RHBDD1: variants seen among roughly 807,000 people sequenced by gnomAD.
The protein encoded by RHBDD1 is rhomboid domain containing 1.
In RHBDD1, 38 loss-of-function variants were observed where a neutral mutation model predicts 36.3. The ratio of observed to expected loss-of-function variants is 1.05; its 90% CI spans 0.81 to 1.37. The LOEUF (loss-of-function observed/expected upper bound fraction) is 1.37. RHBDD1 is among the 40% of genes most tolerant of loss of function. The pLI is 0.00. For missense variants in RHBDD1, 393 were observed against 377.6 expected, an observed-to-expected ratio of 1.04 and a Z score of -0.34; for synonymous variants, 151 against 136.5, an observed-to-expected ratio of 1.11 and a Z score of -0.74.
chr2:226,880,261 T>A (rs1372164197), intron 5 of RHBDD1, among the ~76,000 whole-genome samples: 1 of 152,208 alleles, frequency 6.6e-6, no homozygotes, highest in African/African-American at 2.4e-5. Flanking sequence ...ATTCCAGGAC[T>A]GTCCCAAGCA....
chr2:226,920,459 T>C (rs922959714), intron 8 of RHBDD1, among the ~76,000 whole-genome samples: 27 of 152,170 alleles, frequency 1.8e-4, no homozygotes, highest in African/African-American at 6.5e-4. Context: ...ATCTTTGTTA[T>C]ATTCCACATC....
the RHBDD1 span, among the ~76,000 whole-genome samples, chr2:226,809,764 A>C: frequency 1.2e-4 from 18 of 152,344 alleles, no homozygotes; most frequent in South Asian, 1.4e-3. Flanking sequence ...ATTAGTCTTT[A>C]CTGATTTAAA....
At chr2:226,907,800 A>G (rs1948175743) in intron 6 of RHBDD1, among the ~76,000 whole-genome samples, 1 of 152,146 alleles carries the variant, frequency 6.6e-6, no homozygotes, top group Non-Finnish European at 1.5e-5. Flanking sequence ...TTGCTTATTA[A>G]TGTGTTTCCA....
intron 5 of RHBDD1, among the ~76,000 whole-genome samples, chr2:226,876,390 T>C (rs1945244814): frequency 6.6e-6 from 1 of 152,168 alleles, no homozygotes; most frequent in African/African-American, 2.4e-5. Flanking sequence ...CAGTGACAGT[T>C]CATGGGCCGT....
Position 226,976,547 on chromosome 2 carries a change from G to A in RHBDD1, c.857-18884G>A, listed in dbSNP as rs114773123. On this transcript the variant is annotated intron_variant, in intron 8 of 8. Transcript: ENST00000392062. ...TTCACTGTGTAGGAGACTCACCACCGTATACTGATGAAGAATGCACACAGT... is the reference window on the plus strand; with the variant it reads ...TTCACTGTGTAGGAGACTCACCACCATATACTGATGAAGAATGCACACAGT... Among the ~76,000 whole-genome samples the A allele has an allele frequency of 3.9e-3, 588 of 152,158 alleles. 3 individuals carry two copies. Among genetic ancestry groups the A allele is most frequent in the South Asian group, 0.012 (57 of 4,812 alleles).
At chr2:226,803,224 A>C in the RHBDD1 span, among the ~76,000 whole-genome samples, 10 of 152,312 alleles carry the variant, frequency 6.6e-5, no homozygotes, top group African/African-American at 1.9e-4. Context: ...TCTGCAAGGC[A>C]ATATGAAATA....
At position 226,944,059 on chromosome 2, in the gene RHBDD1, C is replaced by T. The variant is rs536572074; in HGVS notation, c.856+29708C>T. 2.0e-4 allele frequency among the ~76,000 whole-genome samples: 31 copies of T among 152,224 alleles called. No individual in the cohort carries two copies. The East Asian group carries it at 6.0e-3, about 29-fold the overall frequency. Reference sequence around the variant, plus strand: ...TATGCCTTTGCTCAGTATAGTCTTGCTGGTGGTAGCGACAGGGGGAAGTGA... The same window carrying T: ...TATGCCTTTGCTCAGTATAGTCTTGTTGGTGGTAGCGACAGGGGGAAGTGA... On this transcript the variant is annotated intron_variant, in intron 8 of 8. Transcript: ENST00000392062.
the RHBDD1 span, among the ~76,000 whole-genome samples, chr2:226,830,164 G>A: frequency 6.6e-6 from 1 of 152,158 alleles, no homozygotes; most frequent in Admixed American, 6.5e-5. Context: ...TAATCTCCAA[G>A]GTGATGTTAT....
intron 3 of RHBDD1, among the ~76,000 whole-genome samples, chr2:226,859,694 G>A (rs1028136156): frequency 6.6e-6 from 1 of 152,144 alleles, no homozygotes. Flanking sequence ...TGTGTGACTG[G>A]AGCATAGTGA....
chr2:226,906,694 A>C, intron 5 of RHBDD1, 99 bp from the exon 6 acceptor site: 1 of 1,595,370 alleles, frequency 6.3e-7, no homozygotes. Flanking sequence ...CAAAGCCTGC[A>C]GACTGTGACT....
intron 8 of RHBDD1, among the ~76,000 whole-genome samples, chr2:226,924,136 T>C (rs1475361394): frequency 1.3e-5 from 2 of 152,152 alleles, no homozygotes; most frequent in African/African-American, 4.8e-5. Flanking sequence ...AGCCAGCATG[T>C]CTCTGAGTCT....
At position 226,995,598 on chromosome 2, in the gene RHBDD1, T is replaced by G. The variant is rs1287250433; in HGVS notation, c.*76T>G. 1.0e-5 allele frequency: 10 copies of G among 975,598 alleles called. No individual in the cohort carries two copies. 60.4% of individuals were successfully genotyped at this position (975,598 alleles called of 1,614,324 possible). On this transcript the variant is annotated 3_prime_UTR_variant, in exon 9 of 9. Transcript: ENST00000392062. Reference sequence around the variant, plus strand: ...GCTCATTCCCCAAGCCCCTAATTCATTTTAATTCATTTTAAACAAAAGCAG... The same window carrying G: ...GCTCATTCCCCAAGCCCCTAATTCAGTTTAATTCATTTTAAACAAAAGCAG...
chr2:226,896,542 G>A (rs971899006), intron 5 of RHBDD1, among the ~76,000 whole-genome samples: 2 of 152,030 alleles, frequency 1.3e-5, no homozygotes, highest in Non-Finnish European at 2.9e-5. Context: ...CTTTTACCGG[G>A]ACTACATTAT....
At chr2:226,888,562 T>G (rs1946422914) in intron 5 of RHBDD1, among the ~76,000 whole-genome samples, 1 of 152,164 alleles carries the variant, frequency 6.6e-6, no homozygotes, top group African/African-American at 2.4e-5. Context: ...ACATTTTTCA[T>G]TGACTCATTT....
chr2:226,965,006 A>C (rs1952511072), intron 8 of RHBDD1, among the ~76,000 whole-genome samples: 4 of 152,240 alleles, frequency 2.6e-5, no homozygotes, highest in Admixed American at 2.6e-4. Context: ...TTTGTAGAGC[A>C]TCATAGTGGG....
chr2:226,880,818 C>T (rs577908428), intron 5 of RHBDD1, among the ~76,000 whole-genome samples: 45 of 152,152 alleles, frequency 3.0e-4, no homozygotes, highest in Non-Finnish European at 3.4e-4. Flanking sequence ...ATAAATAAGC[C>T]GAAAAGAAAG....
upstream of RHBDD1, among the ~76,000 whole-genome samples, chr2:226,834,511 A>G (rs1190598700): frequency 1.3e-5 from 2 of 152,240 alleles, no homozygotes; most frequent in Admixed American, 1.3e-4. Flanking sequence ...CTTGAAAGTC[A>G]TATGTACACC....
intron 8 of RHBDD1, among the ~76,000 whole-genome samples, chr2:226,936,325 G>C (rs1264129146): frequency 6.6e-6 from 1 of 151,976 alleles, no homozygotes; most frequent in Non-Finnish European, 1.5e-5. Context: ...TTATATCTTA[G>C]ATTGTACTTA....
chr2:226,882,061 T>C (rs1224784165), intron 5 of RHBDD1, among the ~76,000 whole-genome samples: 1 of 152,240 alleles, frequency 6.6e-6, no homozygotes, highest in East Asian at 1.9e-4. Flanking sequence ...ATAATTTCTT[T>C]TTTGTTGGCA....
Sources: gnomAD v4.1 joint callset for allele counts (sites outside exome capture counted in the v4.1 genomes callset) on GRCh38, gnomAD v4.1.1 for gene constraint, MANE v1.5 for transcripts, NCBI Gene and HGNC (gene_info 2026-07-23, HGNC 2026-07-21) for gene names.